Variants in RBFOX1 observed in about 807,000 individuals in gnomAD.
RBFOX1 encodes the protein RNA binding protein fox-1 homolog 1.
In RBFOX1, 8 loss-of-function variants were observed where a neutral mutation model predicts 57.7. That is an observed-to-expected ratio of 0.14 (90% CI 0.08 to 0.25). The LOEUF (loss-of-function observed/expected upper bound fraction) is 0.25, where lower values mean the gene tolerates loss of function less well. Ranked by LOEUF, RBFOX1 falls within the 10% of genes least tolerant of loss-of-function variation. The pLI is 1.00. For missense variants in RBFOX1, 611 were observed against 548.5 expected (o/e 1.11, Z -1.14); for synonymous variants, 326 against 222.4 (o/e 1.47, Z -4.15).
intron 4 of RBFOX1, among the ~76,000 whole-genome samples, chr16:7,442,319 T>C (rs2098774363): frequency 6.6e-6 from 1 of 152,004 alleles, no homozygotes; most frequent in African/African-American, 2.4e-5. Context: ...CAGCAGTCCG[T>C]CTCCCAGCAC....
chr16:7,512,035 A>C (rs1004223301), intron 4 of RBFOX1, among the ~76,000 whole-genome samples: 1 of 152,194 alleles, frequency 6.6e-6, no homozygotes, highest in Non-Finnish European at 1.5e-5. Flanking sequence ...CTGCTCATCA[A>C]CTAGGAACAC....
At chr16:6,785,248 A>G (rs531255189) in intron 3 of RBFOX1, among the ~76,000 whole-genome samples, 8 of 152,346 alleles carry the variant, frequency 5.3e-5, no homozygotes, top group South Asian at 2.1e-4. Flanking sequence ...CGTAACTAAC[A>G]TAAGAGTTTA....
chr16:6,140,214 G>A lies in RBFOX1; in HGVS notation c.-127+120222G>A, dbSNP rs192848087. ...TTTTTTTTTTTTTTTCTTTTGAGACGGAGTTTCATGCTTCTCACCCAGGCT... is the reference window on the plus strand; with the variant it reads ...TTTTTTTTTTTTTTTCTTTTGAGACAGAGTTTCATGCTTCTCACCCAGGCT... On this transcript the variant is annotated intron_variant, in intron 1 of 15. Transcript: ENST00000550418. Among the ~76,000 whole-genome samples, 352 of 148,792 alleles carry A rather than the reference G, an allele frequency of 2.4e-3. 3 individuals carry two copies. Among genetic ancestry groups the A allele is most frequent in the African/African-American group, 8.0e-3 (320 of 40,130 alleles).
At chr16:6,897,096 G>C (rs2067126317) in intron 3 of RBFOX1, among the ~76,000 whole-genome samples, 1 of 152,074 alleles carries the variant, frequency 6.6e-6, no homozygotes. Flanking sequence ...GCAATGGATG[G>C]GGCTATTTAT....
At chr16:7,593,015 A>C (rs543322738) in intron 7 of RBFOX1, among the ~76,000 whole-genome samples, 1 of 145,678 alleles carries the variant, frequency 6.9e-6, no homozygotes, top group Admixed American at 7.0e-5. Context: ...AGGTTTTGCC[A>C]TGTTACTCAG....
At chr16:7,374,509 A>G (rs1359077351) in intron 4 of RBFOX1, among the ~76,000 whole-genome samples, 2 of 152,184 alleles carry the variant, frequency 1.3e-5, no homozygotes, top group Non-Finnish European at 2.9e-5. Flanking sequence ...GCCAATATGT[A>G]TATTAATGCT....
chr16:6,507,101 C>G (rs1022783720), intron 2 of RBFOX1, among the ~76,000 whole-genome samples: 9 of 152,112 alleles, frequency 5.9e-5, no homozygotes, highest in African/African-American at 2.2e-4. Context: ...CCCAAGTCTC[C>G]GCTTCTGATG....
chr16:7,094,779 T>TGTGTGTGTGG (rs1567232714), intron 4 of RBFOX1, among the ~76,000 whole-genome samples: 6 of 135,054 alleles, frequency 4.4e-5, no homozygotes, highest in African/African-American at 1.3e-4. Context: ...TGTGTGTGGG[T>TGTGTGTGTGG]GTGTGTGTGT....
chr16:7,432,851 G>C (rs963941107), intron 4 of RBFOX1, among the ~76,000 whole-genome samples: 3 of 152,122 alleles, frequency 2.0e-5, no homozygotes, highest in African/African-American at 7.2e-5. Flanking sequence ...TTGTGAATTT[G>C]CATTCATGGT....
At chr16:6,691,613 C>A (rs1185679447) in intron 3 of RBFOX1, among the ~76,000 whole-genome samples, 1 of 152,166 alleles carries the variant, frequency 6.6e-6, no homozygotes, top group Non-Finnish European at 1.5e-5. Flanking sequence ...AGAATGTGTG[C>A]CTCCACTGTT....
intron 4 of RBFOX1, among the ~76,000 whole-genome samples, chr16:6,008,608 G>C (rs1213601667): frequency 6.6e-6 from 1 of 152,170 alleles, no homozygotes; most frequent in African/African-American, 2.4e-5. Flanking sequence ...GCTTCAGCAT[G>C]TGTATATCCT....
chr16:6,826,634 T>TA (rs2092178651), intron 3 of RBFOX1, among the ~76,000 whole-genome samples: 4 of 152,102 alleles, frequency 2.6e-5, no homozygotes, highest in South Asian at 2.1e-4. Flanking sequence ...TTTCTTTTTT[T>TA]TAAAAACCTT....
At chr16:5,616,310 C>G (rs961007277) in intron 3 of RBFOX1, 2 of 152,280 alleles carry the variant, frequency 1.3e-5, no homozygotes, top group African/African-American at 4.8e-5. Flanking sequence ...TGGCCGCTTC[C>G]TGGAGCTGTC....
chr16:7,043,810 G>A (rs7187241), intron 3 of RBFOX1, among the ~76,000 whole-genome samples: 1 of 152,010 alleles, frequency 6.6e-6, no homozygotes, highest in Non-Finnish European at 1.5e-5. Flanking sequence ...CTTGACTCTT[G>A]TGTCATATTC....
rs1567484877 is a variant in RBFOX1 at position 7,154,690 on chromosome 16, TG to T, written c.27+102593del. The stretch of plus-strand genomic sequence containing the variant: ...AATGGCTAGACCCTCTTCCTTTGTG[TG>T]TGTGTGTGTGTGTGTGTGTGTGTGT... On this transcript the variant is annotated intron_variant, in intron 4 of 15. Transcript: ENST00000550418. 7.9e-4 allele frequency among the ~76,000 whole-genome samples: 9 copies of T among 11,418 alleles called. No homozygotes were observed. The South Asian group carries it at 0.021, about 26-fold the overall frequency. 7.5% of individuals were successfully genotyped at this position (11,418 alleles called of 152,430 possible).
At chr16:7,589,890 A>G (rs1003551310) in intron 7 of RBFOX1, among the ~76,000 whole-genome samples, 18 of 135,332 alleles carry the variant, frequency 1.3e-4, no homozygotes, top group Non-Finnish European at 2.5e-4. Flanking sequence ...AGGCCACTCA[A>G]TGCTGAAGGC....
intron 3 of RBFOX1, among the ~76,000 whole-genome samples, chr16:6,810,337 G>A (rs970214212): frequency 1.3e-5 from 2 of 152,102 alleles, no homozygotes; most frequent in Non-Finnish European, 2.9e-5. Context: ...CCGTACAGGA[G>A]GCTTCCGTGC....
chr16:5,240,762 G>A (rs1265649847), intron 1 of RBFOX1, among the ~76,000 whole-genome samples: 1 of 152,176 alleles, frequency 6.6e-6, no homozygotes, highest in Non-Finnish European at 1.5e-5. Context: ...TCCTGCACAC[G>A]TGGGCCCCTG....
intron 4 of RBFOX1, among the ~76,000 whole-genome samples, chr16:5,995,290 A>T (rs560363519): frequency 9.2e-5 from 14 of 152,324 alleles, no homozygotes; most frequent in Non-Finnish European, 1.5e-4. Context: ...ATAGTTGCAC[A>T]TATATCTTAG....
Sources: allele counts gnomAD v4.1 joint callset (sites outside exome capture counted in the v4.1 genomes callset), GRCh38; gene constraint gnomAD v4.1.1; transcripts MANE v1.5; gene names NCBI Gene and HGNC (gene_info 2026-07-23, HGNC 2026-07-21).